Variants in RFTN1 observed in about 807,000 individuals in gnomAD.
RFTN1 encodes the protein raftlin, lipid raft linker 1.
RFTN1 carries 26 observed loss-of-function variants against 46.5 expected under a neutral mutation model. The observed-to-expected ratio is 0.56, with a 90% confidence interval of 0.41 to 0.78. The LOEUF is 0.78. RFTN1 is among the 30% of genes least tolerant of loss of function. The pLI is 0.00. For synonymous variants in RFTN1, 261 were observed against 284.2 expected (o/e 0.92, Z 0.82); for missense variants, 693 against 718.7 (o/e 0.96, Z 0.41).
intron 3 of RFTN1, chr3:16,416,001 G>GAA: frequency 3.2e-5 from 8 of 249,284 alleles, no homozygotes; most frequent in Middle Eastern, 5.3e-4. Flanking sequence ...TTGGCTCCTT[G>GAA]AAAAAAAAAA....
intron 7 of RFTN1, chr3:16,339,362 C>A (rs2071153466): frequency 6.6e-6 from 1 of 152,270 alleles, no homozygotes; most frequent in African/African-American, 2.4e-5. Context: ...TCTTTGAGGA[C>A]CCAGCTCTGA....
chr3:16,407,502 T>C lies in RFTN1; in HGVS notation c.441+1873A>G, dbSNP rs924719051. Among the ~76,000 whole-genome samples, 2 of 152,178 alleles carry C rather than the reference T, an allele frequency of 1.3e-5. No homozygotes were observed. The highest frequency in any genetic ancestry group is 2.4e-5 in the African/African-American group (1 of 41,432). ...CCACTGTGCCCAGCCTCAAATCACA[T>C]GTTTTTAAAAAGCATATTTGAGAGT... On this transcript the variant is annotated intron_variant, in intron 4 of 9. Transcript: ENST00000334133. The surrounding 1 kb of genome is among the most constrained non-coding windows in gnomAD (Gnocchi z 4.0).
intron 2 of RFTN1, among the ~76,000 whole-genome samples, chr3:16,438,322 C>T (rs1048670558): frequency 2.6e-5 from 4 of 151,976 alleles, no homozygotes; most frequent in Admixed American, 6.6e-5. Context: ...TGGTGGCTCA[C>T]GCTTGTAATC....
intron 4 of RFTN1, among the ~76,000 whole-genome samples, chr3:16,393,747 C>T (rs565350915): frequency 6.6e-6 from 1 of 152,064 alleles, no homozygotes; most frequent in South Asian, 2.1e-4. Context: ...CCAGCTCCAC[C>T]TCCTGGGTTC....
Position 16,335,703 on chromosome 3 carries a change from GAGC to G in RFTN1, c.1147-8830_1147-8828del, listed in dbSNP as rs1353687945. ...TCATACCTAGGTGATAGCCTGATCT[GAGC>G]AGCAACACACATGGCACACGTTTAC... On this transcript the variant is annotated intron_variant, in intron 7 of 9. Transcript: ENST00000334133. This position sits in a 1 kb window ranked among gnomAD's most constrained non-coding sequence, Gnocchi z 4.7. 2.0e-5 allele frequency among the ~76,000 whole-genome samples: 3 copies of G among 150,966 alleles called. No individual in the cohort carries two copies. The highest frequency in any genetic ancestry group is 7.3e-5 in the African/African-American group (3 of 40,974).
chr3:16,493,834 A>C lies in RFTN1; in HGVS notation c.36T>G (p.Asp12Glu), dbSNP rs775350700. The C allele has an allele frequency of 6.2e-7, 1 of 1,614,170 alleles. No individual in the cohort carries two copies. The highest frequency in any genetic ancestry group is 8.5e-7 in the Non-Finnish European group (1 of 1,180,018). Residue 12 changes from aspartate (D) to glutamate (E), a missense_variant, in exon 2 of 10, where the codon GAT (aspartate) becomes GAG (glutamate). Physicochemically the swap from Asp to Glu is conservative, Grantham distance 45 (BLOSUM62 2). Coordinates refer to ENST00000334133, the MANE Select transcript of RFTN1 (RefSeq NM_015150.2). ...GCGLNKLEKR[D>E]EKRPGNIYST... ...AATAAATATTCCCAGGCCGTTTTTC[A>C]TCACGTTTCTCTAACTTGTTCAATC...
In RFTN1 at chr3:16,459,751, GTTATAGAAAAAAGTTGAAAAAGGAACATA is replaced by G. The variant is rs1202444608; in HGVS notation, c.146-25743_146-25715del. Among the ~76,000 whole-genome samples, 3 of 151,500 alleles carry G rather than the reference GTTATAGAAAAAAGTTGAAAAAGGAACATA, an allele frequency of 2.0e-5. No homozygotes were observed. Among genetic ancestry groups the G allele is most frequent in the African/African-American group, 7.3e-5 (3 of 40,920 alleles). On this transcript the variant is annotated intron_variant, in intron 2 of 9. Transcript: ENST00000334133. This position sits in a 1 kb window ranked among gnomAD's most constrained non-coding sequence, Gnocchi z 4.2. ...ACTTATATCTAGTCAATATCATCATGTTATAGAAAAAAGTTGAAAAAGGAACATATTATAGAATTATTGGCCATTGTTGT... is the reference window on the plus strand; with the variant it reads ...ACTTATATCTAGTCAATATCATCATGTTATAGAATTATTGGCCATTGTTGT...
chr3:16,497,560 A>G (rs1442768119), intron 1 of RFTN1, among the ~76,000 whole-genome samples: 2 of 152,178 alleles, frequency 1.3e-5, no homozygotes, highest in African/African-American at 4.8e-5. Context: ...ATAGGCTGGC[A>G]AGCAAGGGAA....
chr3:16,426,276 G>A lies in RFTN1; in HGVS notation c.332+7575C>T, dbSNP rs960018417. Reference sequence around the variant, plus strand: ...GGCGCTACCACCCCCTGTGTATTTCGCTTAATTATGAAACCTCTTTCTAGA... The same window carrying A: ...GGCGCTACCACCCCCTGTGTATTTCACTTAATTATGAAACCTCTTTCTAGA... On this transcript the variant is annotated intron_variant, in intron 3 of 9. Coordinates refer to ENST00000334133, the MANE Select transcript of RFTN1 (RefSeq NM_015150.2). This position sits in a 1 kb window ranked among gnomAD's most constrained non-coding sequence, Gnocchi z 5.9. Among the ~76,000 whole-genome samples the A allele has an allele frequency of 2.1e-4, 32 of 152,070 alleles. No individual in the cohort carries two copies. The highest frequency in any genetic ancestry group is 6.8e-4 in the African/African-American group (28 of 41,414).
In RFTN1 at chr3:16,336,942, C is replaced by G. The variant is rs150085829; in HGVS notation, c.1147-10066G>C. 1.3e-5 allele frequency among the ~76,000 whole-genome samples: 2 copies of G among 152,210 alleles called. No individual in the cohort carries two copies. The highest frequency in any genetic ancestry group is 6.5e-5 in the Admixed American group (1 of 15,290). On this transcript the variant is annotated intron_variant, in intron 7 of 9. Transcript: ENST00000334133. The surrounding 1 kb of genome is among the most constrained non-coding windows in gnomAD (Gnocchi z 6.0). ...GACTTCCCTGTGTCCAGGCCACTTT[C>G]CAACACAGCTCGGCAGCTCCTCCCA...
chr3:16,487,719 G>C (rs183301742), intron 2 of RFTN1, among the ~76,000 whole-genome samples: 1 of 152,282 alleles, frequency 6.6e-6, no homozygotes, highest in Admixed American at 6.5e-5. Flanking sequence ...ATAAAACATA[G>C]TCGATTTTCA....
chr3:16,371,230 A>G (rs2073485453), intron 5 of RFTN1, among the ~76,000 whole-genome samples: 1 of 152,250 alleles, frequency 6.6e-6, no homozygotes, highest in Non-Finnish European at 1.5e-5. Context: ...TTTAAAGGTC[A>G]TAAACAATGG....
chr3:16,336,080 A>T lies in RFTN1; in HGVS notation c.1147-9204T>A, dbSNP rs1299368717. Among the ~76,000 whole-genome samples, 1 of 152,086 alleles carries T rather than the reference A, an allele frequency of 6.6e-6. No homozygotes were observed. The highest frequency in any genetic ancestry group is 1.5e-5 in the Non-Finnish European group (1 of 68,012). ...CCATGGAAAGTGGAGATCTAGAGGC[A>T]GGGTGGACAGGAATGCCAAGACAGA... On this transcript the variant is annotated intron_variant, in intron 7 of 9. Coordinates refer to ENST00000334133, the MANE Select transcript of RFTN1 (RefSeq NM_015150.2). This position sits in a 1 kb window ranked among gnomAD's most constrained non-coding sequence, Gnocchi z 6.0.
In RFTN1 at chr3:16,335,648, T is replaced by A. The variant is rs1181624891; in HGVS notation, c.1147-8772A>T. 1.3e-5 allele frequency among the ~76,000 whole-genome samples: 2 copies of A among 151,626 alleles called. No homozygotes were observed. Among genetic ancestry groups the A allele is most frequent in the Non-Finnish European group, 2.9e-5 (2 of 67,954 alleles). ...TGGAGGTGTGGGAGGAGGGAGAGCA[T>A]CAGGAAAAATAGCTAATGGATGCTG... On this transcript the variant is annotated intron_variant, in intron 7 of 9. Transcript: ENST00000334133. This position sits in a 1 kb window ranked among gnomAD's most constrained non-coding sequence, Gnocchi z 4.7.
In RFTN1 at chr3:16,448,873, C is replaced by T. The variant is rs1490000104; in HGVS notation, c.146-14836G>A. ...CTGGAGGCAAGCAGCCAGCCGGCAT[C>T]CCACAGAGATTATTCATAGCAGAAA... On this transcript the variant is annotated intron_variant, in intron 2 of 9. Transcript: ENST00000334133. The surrounding 1 kb of genome is among the most constrained non-coding windows in gnomAD (Gnocchi z 4.1). 2.0e-5 allele frequency among the ~76,000 whole-genome samples: 3 copies of T among 152,178 alleles called. No homozygotes were observed. The highest frequency in any genetic ancestry group is 4.4e-5 in the Non-Finnish European group (3 of 68,042).
rs1312922055 is a variant in RFTN1, at chr3:16,484,200, G to C, written c.145+9525C>G. On this transcript the variant is annotated intron_variant, in intron 2 of 9. Transcript: ENST00000334133. The surrounding 1 kb of genome is among the most constrained non-coding windows in gnomAD (Gnocchi z 4.6). ...AATCATGATCCATTTTTTTAGATTA[G>C]TCTTTTTCCCAGCCGTGAAGGGAGA... 1.3e-5 allele frequency among the ~76,000 whole-genome samples: 2 copies of C among 152,018 alleles called. No individual in the cohort carries two copies. Among genetic ancestry groups the C allele is most frequent in the Non-Finnish European group, 2.9e-5 (2 of 67,998 alleles).
rs1438878567 is a variant in RFTN1 at position 16,346,436 on chromosome 3, A to G, written c.1146+11496T>C. ...TGCAGATAAAGATTAAAGGTCAAAT[A>G]CTTCCTTTTGTCATCTCATTATCCA... On this transcript the variant is annotated intron_variant, in intron 7 of 9. Transcript: ENST00000334133. This position sits in a 1 kb window ranked among gnomAD's most constrained non-coding sequence, Gnocchi z 4.4. 6.6e-6 allele frequency: 1 copy of G among 152,208 alleles called. No individual in the cohort carries two copies. Among genetic ancestry groups the G allele is most frequent in the East Asian group, 1.9e-4 (1 of 5,200 alleles). The allele number at this position is 152,208 out of a possible 1,614,324, so 9.4% of individuals were successfully genotyped here. A position where few individuals can be genotyped will look rare whatever the true frequency, so the allele number is the denominator to read the frequency against.
At position 16,322,947 on chromosome 3, in the gene RFTN1, CTT is replaced by C. The variant is rs2069242658; in HGVS notation, c.1332+427_1332+428del. Among the ~76,000 whole-genome samples the C allele has an allele frequency of 6.6e-6, 1 of 152,180 alleles. No individual in the cohort carries two copies. The highest frequency in any genetic ancestry group is 2.1e-4 in the South Asian group (1 of 4,826). On this transcript the variant is annotated intron_variant, in intron 9 of 9. Transcript: ENST00000334133. This position sits in a 1 kb window ranked among gnomAD's most constrained non-coding sequence, Gnocchi z 6.2. ...CAGGGTCTCTGCTTAGATCCCCACA[CTT>C]TTAATGTCCTAAGGAATCTTAACAG...
intron 4 of RFTN1, among the ~76,000 whole-genome samples, chr3:16,396,924 G>A (rs987873374): frequency 2.6e-5 from 4 of 152,014 alleles, no homozygotes; most frequent in South Asian, 4.2e-4. Context: ...TTAGCTGGGC[G>A]TGGTGGCAGG....
Sources: gnomAD v4.1 joint callset for allele counts (sites outside exome capture counted in the v4.1 genomes callset) on GRCh38, gnomAD v4.1.1 for gene constraint, Gnocchi (gnomAD v3.1) non-coding constraint, MANE v1.5 for transcripts, NCBI Gene and HGNC (gene_info 2026-07-23, HGNC 2026-07-21) for gene names.